The following SLC35G3 variants were observed in gnomAD, a reference collection of about 807,000 sequenced individuals.
SLC35G3 encodes the protein solute carrier family 35 member G3.
SLC35G3 carries 10 observed loss-of-function variants against 17.9 expected under a neutral mutation model. The observed-to-expected ratio is 0.56, with a 90% CI of 0.34 to 0.95. The LOEUF (loss-of-function observed/expected upper bound fraction) is 0.95, where lower values mean the gene tolerates loss of function less well. Among genes scored for constraint, SLC35G3 ranks in the 40% least tolerant of loss-of-function variants. The pLI, the probability that SLC35G3 is intolerant of heterozygous loss-of-function variation, is 0.02. For missense variants in SLC35G3, 384 were observed against 433.6 expected (o/e 0.89, Z 1.02); for synonymous variants, 208 against 197.7 (o/e 1.05, Z -0.44).
At position 35,193,988 on chromosome 17, in the gene SLC35G3, C is replaced by G; in HGVS notation, c.320G>C (p.Cys107Ser). ...TPDIRSRAFF[C>S]ALLNILSIGC... ...AATGCTGAGGATGTTGAGCAGGGCA[C>G]AGAAGAAGGCCCGGCTTCGGATGTC... The change falls in exon 1 of 1, where the codon TGT becomes TCT. Residue 107 changes from cysteine to serine, a missense_variant. Transcript: ENST00000297307. The G allele has an allele frequency of 6.2e-7, 1 of 1,614,000 alleles. No individual in the cohort carries two copies. The highest frequency in any genetic ancestry group is 2.2e-5 in the East Asian group (1 of 44,886).
chr17:35,193,708 G>A lies in SLC35G3; in HGVS notation c.600C>T (p.Gly200=), dbSNP rs147862619. ...CCAGAAGCCTCAGGGACAGCGCCAG[G>A]CCTCCCAGGAAAGCCTCCACATAGC... ...ALGYVEAFLG[G]LALSLRLLVY... The change falls in exon 1 of 1, where the codon GGC becomes GGT. Residue 200 remains glycine, a synonymous_variant. Coordinates refer to ENST00000297307, the MANE Select transcript of SLC35G3 (RefSeq NM_152462.2). 14 of 1,611,924 alleles carry A rather than the reference G, an allele frequency of 8.7e-6. No individual in the cohort carries two copies. The highest frequency in any genetic ancestry group is 1.2e-5 in the Non-Finnish European group (14 of 1,179,852).
Position 35,194,381 on chromosome 17 carries a change from C to T in SLC35G3, c.-74G>A. On this transcript the variant is annotated 5_prime_UTR_variant, in exon 1 of 1. An upstream start codon of the reference 5' UTR is lost. Transcript: ENST00000297307. ...CTCAGAGCTCCAGCCATTGTGACCT[C>T]ATTGGAGTGGGGGTGGGATTCTTCC... is the stretch of plus-strand genomic sequence containing the variant. The T allele has an allele frequency of 2.0e-6, 3 of 1,527,618 alleles. No individual in the cohort carries two copies. Among genetic ancestry groups the T allele is most frequent in the Non-Finnish European group, 2.6e-6 (3 of 1,143,390 alleles). The allele number at this position is 1,527,618 out of a possible 1,614,324, so 94.6% of individuals were successfully genotyped here. A position where few individuals can be genotyped will look rare whatever the true frequency, so the allele number is the denominator to read the frequency against.
chr17:35,193,393 C>T lies in SLC35G3; in HGVS notation c.915G>A (p.Val305=). The change falls in exon 1 of 1, where the codon GTG becomes GTA. Residue 305 remains valine (V), a synonymous_variant. Coordinates refer to ENST00000297307, the MANE Select transcript of SLC35G3 (RefSeq NM_152462.2). ...ILQYYMLHET[V]APSDIVAAGV... ...CTGCCGCCACGATGTCAGAAGGTGCCACAGTCTCATGGAGCATATAATACT... is the reference window on the plus strand; with the variant it reads ...CTGCCGCCACGATGTCAGAAGGTGCTACAGTCTCATGGAGCATATAATACT... The T allele has an allele frequency of 1.2e-6, 2 of 1,612,032 alleles. No homozygotes were observed. The highest frequency in any genetic ancestry group is 1.7e-6 in the Non-Finnish European group (2 of 1,179,860).
rs1297772899 is a variant in SLC35G3, at chr17:35,194,378, C to T, written c.-71G>A. 46 of 1,532,304 alleles carry T rather than the reference C, an allele frequency of 3.0e-5. No homozygotes were observed. The highest frequency in any genetic ancestry group is 8.8e-5 in the Admixed American group (4 of 45,256). 94.9% of individuals were successfully genotyped at this position (1,532,304 alleles called of 1,614,324 possible). ...CCCCTCAGAGCTCCAGCCATTGTGACCTCATTGGAGTGGGGGTGGGATTCT... is the reference window on the plus strand; with the variant it reads ...CCCCTCAGAGCTCCAGCCATTGTGATCTCATTGGAGTGGGGGTGGGATTCT... On this transcript the variant is annotated 5_prime_UTR_variant, in exon 1 of 1. Transcript: ENST00000297307.
chr17:35,193,304 C>A lies in SLC35G3; in HGVS notation c.1004G>T (p.Arg335Met), dbSNP rs369787605. Residue 335 changes from arginine (R) to methionine (M), a missense_variant, in exon 1 of 1, where the codon AGG becomes ATG. Arg to Met is a moderately conservative substitution (Grantham distance 91). Coordinates refer to ENST00000297307, the MANE Select transcript of SLC35G3 (RefSeq NM_152462.2). ...CCAAGTTCTATCTCACTCCTCCACC[C>A]TCCCTGTCCTCTCACAGCTGAGGTT... ...AQNLSCERTG[R>M]VEE 9.3e-6 allele frequency: 15 copies of A among 1,611,946 alleles called. No homozygotes were observed. The highest frequency in any genetic ancestry group is 3.3e-5 in the Admixed American group (2 of 59,994).
In SLC35G3 at chr17:35,193,702, C is replaced by T. The variant is rs138833010; in HGVS notation, c.606G>A (p.Ala202=). Residue 202 remains alanine (A), a synonymous_variant, in exon 1 of 1, where the codon GCG becomes GCA. Coordinates refer to ENST00000297307, the MANE Select transcript of SLC35G3 (RefSeq NM_152462.2). ...GATAGACCAGAAGCCTCAGGGACAG[C>T]GCCAGGCCTCCCAGGAAAGCCTCCA... ...GYVEAFLGGL[A]LSLRLLVYRS... 86 of 1,612,034 alleles carry T rather than the reference C, an allele frequency of 5.3e-5. No individual in the cohort carries two copies. The East Asian group carries it at 9.1e-4, about 17-fold the overall frequency.
Position 35,193,867 on chromosome 17 carries a change from G to C in SLC35G3, c.441C>G (p.Leu147=), listed in dbSNP as rs376797058. Residue 147 remains leucine, a synonymous_variant, in exon 1 of 1, where the codon CTC becomes CTG. Coordinates refer to ENST00000297307, the MANE Select transcript of SLC35G3 (RefSeq NM_152462.2). ...CACTGAGACCCTGGCTCTCAAGGCA[G>C]AGAGTGAGGACGGCGGAGCAGACGG... ...SSTVCSAVLT[L]CLESQGLSGY... 4 of 1,613,912 alleles carry C rather than the reference G, an allele frequency of 2.5e-6. No homozygotes were observed. The highest frequency in any genetic ancestry group is 2.7e-5 in the African/African-American group (2 of 74,944).
chr17:35,194,027 AG>A lies in SLC35G3; in HGVS notation c.280del (p.Leu94PhefsTer74). 1.2e-6 allele frequency: 2 copies of A among 1,614,014 alleles called. No homozygotes were observed. The highest frequency in any genetic ancestry group is 1.7e-6 in the Non-Finnish European group (2 of 1,179,874). On this transcript the variant is annotated frameshift_variant, in exon 1 of 1. Transcript: ENST00000297307. LOFTEE classifies it high-confidence loss of function. ...GCTTCGGATGTCAGGAGTTCCCAGA[AG>A]GGGGTCGCCACGCAGTTTAAGTAGC... The part of the protein sequence containing the change: ...ALLLKLRGDP[L>X]LGTPDIRSRA...
At position 35,193,609 on chromosome 17, in the gene SLC35G3, GC is replaced by G. The variant is rs1170988309; in HGVS notation, c.698del (p.Gly233AlafsTer19). 9 of 1,611,932 alleles carry G rather than the reference GC, an allele frequency of 5.6e-6. No homozygotes were observed. Among genetic ancestry groups the G allele is most frequent in the Non-Finnish European group, 7.6e-6 (9 of 1,179,874 alleles). ...AFLSGLVGLL[G>X]SVPGLFVLQA... Reference sequence around the variant, plus strand: ...GCAGCACAAAGAGGCCTGGCACAGAGCCCAGCAGCCCCACCAAGCCAGATAG... The same window carrying G: ...GCAGCACAAAGAGGCCTGGCACAGAGCCAGCAGCCCCACCAAGCCAGATAG... On this transcript the variant is annotated frameshift_variant, in exon 1 of 1. Coordinates refer to ENST00000297307, the MANE Select transcript of SLC35G3 (RefSeq NM_152462.2). LOFTEE classifies it high-confidence loss of function.
rs1433668961 is a variant in SLC35G3 at position 35,193,606 on chromosome 17, A to G, written c.702T>C (p.Ser234=). Residue 234 remains serine, a synonymous_variant, in exon 1 of 1, where the codon TCT becomes TCC. Transcript: ENST00000297307. Reference sequence around the variant, plus strand: ...CCTGCAGCACAAAGAGGCCTGGCACAGAGCCCAGCAGCCCCACCAAGCCAG... The same window carrying G: ...CCTGCAGCACAAAGAGGCCTGGCACGGAGCCCAGCAGCCCCACCAAGCCAG... ...FLSGLVGLLG[S]VPGLFVLQAP... The G allele has an allele frequency of 1.2e-6, 2 of 1,612,078 alleles. No individual in the cohort carries two copies. The highest frequency in any genetic ancestry group is 1.1e-5 in the South Asian group (1 of 90,992).
At position 35,194,232 on chromosome 17, in the gene SLC35G3, G is replaced by C. The variant is rs553697473; in HGVS notation, c.76C>G (p.Arg26Gly). The change falls in exon 1 of 1, where the codon CGC becomes GGC. Residue 26 changes from arginine (R) to glycine (G), a missense_variant. Arg to Gly is a moderately radical substitution (Grantham distance 125). Transcript: ENST00000297307. ...PSPPSAPPSL[R>G]WYQRCQPSDA... ...GAGGGCTGGCAGCGCTGGTACCAGC[G>C]GAGGCTGGGTGGAGCGGAGGGCGGC... 1 of 1,613,932 alleles carries C rather than the reference G, an allele frequency of 6.2e-7. No homozygotes were observed. Among genetic ancestry groups the C allele is most frequent in the Non-Finnish European group, 8.5e-7 (1 of 1,179,978 alleles).
Position 35,193,565 on chromosome 17 carries a change from C to G in SLC35G3, c.743G>C (p.Ser248Thr). The change falls in exon 1 of 1, where the codon AGT becomes ACT. Residue 248 changes from serine to threonine, a missense_variant. Physicochemically the swap from Ser to Thr is moderately conservative, Grantham distance 58 (BLOSUM62 1). Coordinates refer to ENST00000297307, the MANE Select transcript of SLC35G3 (RefSeq NM_152462.2). Reference protein sequence around the residue: ...LFVLQAPVLPSDLLSWSCVGA... With the variant: ...LFVLQAPVLPTDLLSWSCVGA... ...CACACAACTCCAACTCAGGAGGTCA[C>G]TGGGCAACACGGGGGCCTGCAGCAC... is the stretch of plus-strand genomic sequence containing the variant. 1 of 1,612,066 alleles carries G rather than the reference C, an allele frequency of 6.2e-7. No individual in the cohort carries two copies. Among genetic ancestry groups the G allele is most frequent in the East Asian group, 2.2e-5 (1 of 44,884 alleles).
In SLC35G3 at chr17:35,193,624, C is replaced by T; in HGVS notation, c.684G>A (p.Leu228=). 1 of 1,612,044 alleles carries T rather than the reference C, an allele frequency of 6.2e-7. No homozygotes were observed. Among genetic ancestry groups the T allele is most frequent in the East Asian group, 2.2e-5 (1 of 44,886 alleles). The change falls in exon 1 of 1, where the codon TTG becomes TTA. Residue 228 remains leucine, a synonymous_variant. Coordinates refer to ENST00000297307, the MANE Select transcript of SLC35G3 (RefSeq NM_152462.2). ...CTGGCACAGAGCCCAGCAGCCCCACCAAGCCAGATAGGAAGGCCACTGTTG... is the reference window on the plus strand; with the variant it reads ...CTGGCACAGAGCCCAGCAGCCCCACTAAGCCAGATAGGAAGGCCACTGTTG... ...CLPTVAFLSG[L]VGLLGSVPGL... is the part of the protein sequence containing the mutation.
At position 35,193,968 on chromosome 17, in the gene SLC35G3, T is replaced by C. The variant is rs143378045; in HGVS notation, c.340A>G (p.Ser114Gly). The change falls in exon 1 of 1, where the codon AGC becomes GGC. Residue 114 changes from serine to glycine, a missense_variant. Ser to Gly is a moderately conservative substitution (Grantham distance 56). Coordinates refer to ENST00000297307, the MANE Select transcript of SLC35G3 (RefSeq NM_152462.2). The stretch of plus-strand genomic sequence containing the variant: ...ACCGCACTGTAGGCACATCCAATGC[T>C]GAGGATGTTGAGCAGGGCACAGAAG... Reference protein sequence around the residue: ...AFFCALLNILSIGCAYSAVQV... With the variant: ...AFFCALLNILGIGCAYSAVQV... 9.9e-6 allele frequency: 16 copies of C among 1,613,818 alleles called. No individual in the cohort carries two copies. Among genetic ancestry groups the C allele is most frequent in the Non-Finnish European group, 1.4e-5 (16 of 1,179,868 alleles).
Position 35,193,347 on chromosome 17 carries a change from C to T in SLC35G3, c.961G>A (p.Ala321Thr). Residue 321 changes from alanine to threonine, a missense_variant, in exon 1 of 1, where the codon GCC (alanine) becomes ACC (threonine). Physicochemically the swap from Ala to Thr is moderately conservative, Grantham distance 58. Coordinates refer to ENST00000297307, the MANE Select transcript of SLC35G3 (RefSeq NM_152462.2). Reference sequence around the variant, plus strand: ...CTGAGGTTCTGGGCTGTAATGATGGCAATGCTGCCCAGCACAACCCCTGCC... The same window carrying T: ...CTGAGGTTCTGGGCTGTAATGATGGTAATGCTGCCCAGCACAACCCCTGCC... ...VAAGVVLGSI[A>T]IITAQNLSCE... The T allele has an allele frequency of 6.2e-7, 1 of 1,612,032 alleles. No individual in the cohort carries two copies. Among genetic ancestry groups the T allele is most frequent in the Admixed American group, 1.7e-5 (1 of 60,010 alleles).
In SLC35G3 at chr17:35,193,496, C is replaced by A; in HGVS notation, c.812G>T (p.Gly271Val). Reference protein sequence around the residue: ...ILALVSFTCVGYAVTKAHPAL... With the variant: ...ILALVSFTCVVYAVTKAHPAL... ...AGGGTGGGCCTTGGTGACCGCATAG[C>A]CCACACATGTGAAGGAGACCAAGGC... The change falls in exon 1 of 1, where the codon GGC becomes GTC. Residue 271 changes from glycine (G) to valine (V), a missense_variant. Coordinates refer to ENST00000297307, the MANE Select transcript of SLC35G3 (RefSeq NM_152462.2). The A allele has an allele frequency of 6.2e-7, 1 of 1,612,030 alleles. No individual in the cohort carries two copies. Among genetic ancestry groups the A allele is most frequent in the Non-Finnish European group, 8.5e-7 (1 of 1,179,850 alleles).
chr17:35,193,422 G>A lies in SLC35G3; in HGVS notation c.886C>T (p.Leu296=), dbSNP rs1030532432. 4.3e-6 allele frequency: 7 copies of A among 1,611,888 alleles called. No individual in the cohort carries two copies. In the African/African-American group the frequency reaches 6.7e-5, roughly 15 times the overall value. The change falls in exon 1 of 1, where the codon CTG becomes TTG. Residue 296 remains leucine, a synonymous_variant. Transcript: ENST00000297307. ...LHSEVVVALI[L]QYYMLHETVA... Reference sequence around the variant, plus strand: ...GTCTCATGGAGCATATAATACTGCAGTATAAGGGCCACAACCACCTCGGAA... The same window carrying A: ...GTCTCATGGAGCATATAATACTGCAATATAAGGGCCACAACCACCTCGGAA...
In SLC35G3 at chr17:35,194,231, C is replaced by T. The variant is rs370526656; in HGVS notation, c.77G>A (p.Arg26His). The change falls in exon 1 of 1, where the codon CGC (arginine) becomes CAC (histidine). Residue 26 changes from arginine to histidine, a missense_variant. Transcript: ENST00000297307. The stretch of plus-strand genomic sequence containing the variant: ...AGAGGGCTGGCAGCGCTGGTACCAG[C>T]GGAGGCTGGGTGGAGCGGAGGGCGG... ...PSPPSAPPSL[R>H]WYQRCQPSDA... 1.7e-5 allele frequency: 27 copies of T among 1,613,766 alleles called. 1 individual carries two copies. The highest frequency in any genetic ancestry group is 6.7e-5 in the East Asian group (3 of 44,882).
At position 35,193,641 on chromosome 17, in the gene SLC35G3, C is replaced by T. The variant is rs1423441645; in HGVS notation, c.667G>A (p.Ala223Thr). Residue 223 changes from alanine (A) to threonine (T), a missense_variant, in exon 1 of 1, where the codon GCC becomes ACC. Physicochemically the swap from Ala to Thr is moderately conservative, Grantham distance 58 (BLOSUM62 0). Coordinates refer to ENST00000297307, the MANE Select transcript of SLC35G3 (RefSeq NM_152462.2). The part of the protein sequence containing the change: ...LHFPPCLPTV[A>T]FLSGLVGLLG... ...AGCCCCACCAAGCCAGATAGGAAGG[C>T]CACTGTTGGGAGGCAGGGGGGAAAG... is the stretch of plus-strand genomic sequence containing the variant. The T allele has an allele frequency of 2.5e-6, 4 of 1,612,062 alleles. No individual in the cohort carries two copies. The highest frequency in any genetic ancestry group is 1.1e-5 in the South Asian group (1 of 90,996).
Sources: allele counts gnomAD v4.1 joint callset, GRCh38; gene constraint gnomAD v4.1.1; transcripts MANE v1.5; gene names NCBI Gene and HGNC (gene_info 2026-07-23, HGNC 2026-07-21).